ABCB9: variants seen among roughly 807,000 people sequenced by gnomAD.
ABCB9 encodes ABC-type oligopeptide transporter ABCB9.
Under a neutral mutation model 62.0 loss-of-function variants are expected in ABCB9, and 36 were observed. The observed-to-expected ratio is 0.58, with a 90% CI of 0.45 to 0.77. The LOEUF (loss-of-function observed/expected upper bound fraction) is 0.77. Ranked by LOEUF, ABCB9 falls within the 30% of genes least tolerant of loss-of-function variation. The pLI is 0.00. For synonymous variants in ABCB9, 435 were observed against 461.4 expected (o/e 0.94, Z 0.73); for missense variants, 943 against 1,054.7 (o/e 0.89, Z 1.47).
At chr12:122,962,374 G>A (rs560298001) in intron 1 of ABCB9, among the ~76,000 whole-genome samples, 13 of 152,320 alleles carry the variant, frequency 8.5e-5, no homozygotes, top group African/African-American at 3.1e-4. Context: ...TCCCCCAAGA[G>A]GAGGGGTGAG....
chr12:122,969,765 C>T (rs1045610751), upstream of ABCB9, among the ~76,000 whole-genome samples: 8 of 151,864 alleles, frequency 5.3e-5, no homozygotes, highest in Non-Finnish European at 1.2e-4. Flanking sequence ...AAAAAACACT[C>T]CATGCCATAT....
At chr12:122,945,229 A>G (rs926543691) in intron 6 of ABCB9, among the ~76,000 whole-genome samples, 2 of 152,062 alleles carry the variant, frequency 1.3e-5, no homozygotes, top group African/African-American at 4.8e-5. Flanking sequence ...AGTCCCAGAT[A>G]TCCTCTTTCC....
chr12:122,932,176 C>T lies in ABCB9; in HGVS notation c.2040+16G>A, dbSNP rs1166598452. 6.4e-7 allele frequency: 1 copy of T among 1,551,634 alleles called. No homozygotes were observed. Among genetic ancestry groups the T allele is most frequent in the Admixed American group, 2.0e-5 (1 of 51,076 alleles). On this transcript the variant is annotated intron_variant, in intron 11 of 11. Transcript: ENST00000280560. The surrounding 1 kb of genome is among the most constrained non-coding windows in gnomAD (Gnocchi z 4.7). ...GCCGCTCCTGCCCCCGCATTGCCCA[C>T]CACCCTGTGACTCACCAGATACTCG...
intron 2 of ABCB9, among the ~76,000 whole-genome samples, chr12:122,953,426 C>T (rs962141050): frequency 2.9e-4 from 44 of 151,094 alleles, no homozygotes; most frequent in African/African-American, 1.1e-3. Context: ...CGCACTCCGT[C>T]GCCCAGGCTG....
chr12:122,930,220 G>A lies in ABCB9; in HGVS notation c.2041-49C>T, dbSNP rs776443683. The A allele has an allele frequency of 1.3e-5, 19 of 1,488,670 alleles. No individual in the cohort carries two copies. The highest frequency in any genetic ancestry group is 7.5e-5 in the East Asian group (3 of 40,170). 92.2% of individuals were successfully genotyped at this position (1,488,670 alleles called of 1,614,324 possible). A position where few individuals can be genotyped will look rare whatever the true frequency, so the allele number is the denominator to read the frequency against. On this transcript the variant is annotated intron_variant, in intron 11 of 11. Coordinates refer to ENST00000280560, the MANE Select transcript of ABCB9 (RefSeq NM_019625.4). This position sits in a 1 kb window ranked among gnomAD's most constrained non-coding sequence, Gnocchi z 4.9. ...CTTGCATGGCACGGACGCCCCACCC[G>A]CAACCGTGCTTCATGCCACGGCCTA...
intron 1 of ABCB9, among the ~76,000 whole-genome samples, chr12:122,973,898 A>C (rs369967450): frequency 1.3e-5 from 2 of 152,074 alleles, no homozygotes; most frequent in African/African-American, 4.8e-5. Context: ...CAAAAAAATT[A>C]GCTGGGCGTG....
intron 7 of ABCB9, among the ~76,000 whole-genome samples, chr12:122,943,097 C>A (rs2035851333): frequency 6.6e-6 from 1 of 152,144 alleles, no homozygotes; most frequent in South Asian, 2.1e-4. Context: ...GAATTAACAC[C>A]CTCACTCCAG....
intron 9 of ABCB9, among the ~76,000 whole-genome samples, chr12:122,937,262 G>A (rs1418030973): frequency 6.6e-6 from 1 of 151,848 alleles, no homozygotes; most frequent in South Asian, 2.1e-4. Context: ...GGGAAGCTGA[G>A]GCAGGAGAAT....
At chr12:122,965,632 G>A (rs1182813110) in intron 1 of ABCB9, among the ~76,000 whole-genome samples, 2 of 152,202 alleles carry the variant, frequency 1.3e-5, no homozygotes, top group African/African-American at 4.8e-5. Context: ...CTTGTCACCC[G>A]GCCCTGCACT....
intron 11 of ABCB9, among the ~76,000 whole-genome samples, chr12:122,923,420 G>A (rs2034802367): frequency 6.6e-6 from 1 of 152,156 alleles, no homozygotes; most frequent in Non-Finnish European, 1.5e-5. Context: ...CCGAGTAGCT[G>A]GGACTACAGG....
At chr12:122,970,072 A>G (rs1313691493), upstream of ABCB9, among the ~76,000 whole-genome samples, 1 of 152,190 alleles carries the variant, frequency 6.6e-6, no homozygotes, top group Non-Finnish European at 1.5e-5. Context: ...ACAGATGTTT[A>G]TAGAAGCTTT....
At chr12:122,935,573 G>T in intron 9 of ABCB9, 142 bp from the exon 10 acceptor site, 1 of 968,518 alleles carries the variant, frequency 1.0e-6, no homozygotes, top group Admixed American at 3.0e-5. Flanking sequence ...GCACTGAGCT[G>T]CCTCTCTTCT....
intron 2 of ABCB9, among the ~76,000 whole-genome samples, chr12:122,954,232 G>T (rs1341524562): frequency 6.6e-6 from 1 of 151,534 alleles, no homozygotes; most frequent in Non-Finnish European, 1.5e-5. Flanking sequence ...TTTTGAGACG[G>T]AGTTTCACTC....
At position 122,944,440 on chromosome 12, in the gene ABCB9, T is replaced by C. The variant is rs771848131; in HGVS notation, c.1331A>G (p.Asn444Ser). ...LVISGQMTSG[N>S]LIAFIIYEFV... ...CTCGTAGATGATGAAGGCGATGAGG[T>C]TGCCGCTGGTCATCTGGCCTGAGAT... Residue 444 changes from asparagine to serine, a missense_variant, in exon 7 of 12, where the codon AAC becomes AGC. Asn to Ser is a conservative substitution (Grantham distance 46). Coordinates refer to ENST00000280560, the MANE Select transcript of ABCB9 (RefSeq NM_019625.4). The surrounding 1 kb of genome is among the most constrained non-coding windows in gnomAD (Gnocchi z 4.9). 10 of 1,613,832 alleles carry C rather than the reference T, an allele frequency of 6.2e-6. No individual in the cohort carries two copies. Among genetic ancestry groups the C allele is most frequent in the Non-Finnish European group, 8.5e-6 (10 of 1,179,938 alleles).
chr12:122,967,441 C>T (rs950761530), upstream of ABCB9, among the ~76,000 whole-genome samples: 4 of 152,160 alleles, frequency 2.6e-5, no homozygotes, highest in Admixed American at 2.6e-4. Context: ...AGTGGACTTA[C>T]GGCCCAGAGG....
At chr12:122,925,273 G>A (rs1304685425), downstream of ABCB9, among the ~76,000 whole-genome samples, 3 of 152,170 alleles carry the variant, frequency 2.0e-5, no homozygotes, top group Non-Finnish European at 4.4e-5. Context: ...ACAAGTGTTG[G>A]TGAGGATGTG....
chr12:122,941,879 T>C (rs1327874578), intron 7 of ABCB9, among the ~76,000 whole-genome samples: 1 of 151,704 alleles, frequency 6.6e-6, no homozygotes, highest in Non-Finnish European at 1.5e-5. Context: ...CATGAGCCAC[T>C]ACTAAGCCCA....
chr12:122,934,640 CAA>C (rs371538708), intron 10 of ABCB9, among the ~76,000 whole-genome samples: 17 of 88,090 alleles, frequency 1.9e-4, no homozygotes, highest in Admixed American at 3.8e-4. Context: ...GCCCCTGCCT[CAA>C]AAAAAAAAAA....
chr12:122,929,390 G>A lies in ABCB9; in HGVS notation c.*521C>T, dbSNP rs2135746502. ...GCCAGACTCACAGAGCTGGCAAGAG[G>A]GAGAGACGGAAAATCCCGTTCCCCG... On this transcript the variant is annotated 3_prime_UTR_variant, in exon 12 of 12. Coordinates refer to ENST00000280560, the MANE Select transcript of ABCB9 (RefSeq NM_019625.4). This position sits in a 1 kb window ranked among gnomAD's most constrained non-coding sequence, Gnocchi z 6.0. 1 of 986,142 alleles carries A rather than the reference G, an allele frequency of 1.0e-6. No homozygotes were observed. The highest frequency in any genetic ancestry group is 1.2e-6 in the Non-Finnish European group (1 of 830,192). The allele number at this position is 986,142 out of a possible 1,614,324, so 61.1% of individuals were successfully genotyped here.
Sources: gnomAD v4.1 joint callset for allele counts (sites outside exome capture counted in the v4.1 genomes callset) on GRCh38, gnomAD v4.1.1 for gene constraint, Gnocchi (gnomAD v3.1) non-coding constraint, MANE v1.5 for transcripts, NCBI Gene and HGNC (gene_info 2026-07-23, HGNC 2026-07-21) for gene names.